Variants in SUGCT observed in about 807,000 individuals in gnomAD.
SUGCT encodes succinyl-CoA:glutarate-CoA transferase.
In SUGCT, 41 loss-of-function variants were observed where a neutral mutation model predicts 55.0. That is an observed-to-expected ratio of 0.74 (90% CI 0.58 to 0.97). SUGCT has a LOEUF of 0.97. Ranked by LOEUF, SUGCT falls within the 50% of genes least tolerant of loss-of-function variation. The pLI is 0.00. For synonymous variants in SUGCT, 187 were observed against 200.4 expected (o/e 0.93, Z 0.56); for missense variants, 568 against 547.8 (o/e 1.04, Z -0.37).
intron 12 of SUGCT, among the ~76,000 whole-genome samples, chr7:40,641,286 A>C (rs1800257973): frequency 6.6e-6 from 1 of 152,188 alleles, no homozygotes; most frequent in Admixed American, 6.5e-5. Flanking sequence ...ATAAAGCAAA[A>C]GACTAAAAAT....
rs1044597295 is a variant in SUGCT, at chr7:40,667,662, T to C, written c.1090-81772T>C. Among the ~76,000 whole-genome samples the C allele has an allele frequency of 2.0e-5, 3 of 152,032 alleles. No homozygotes were observed. The South Asian group carries it at 6.2e-4, about 32-fold the overall frequency. ...TCTGTTTAGGGTTTCAGTTTCTTCC[T>C]GGTTCAATCTTGGGAGACTGTGTAT... On this transcript the variant is annotated intron_variant, in intron 12 of 13. Coordinates refer to ENST00000335693, the MANE Select transcript of SUGCT (RefSeq NM_001193313.2).
chr7:41,015,323 G>A, the SUGCT span, among the ~76,000 whole-genome samples: 1 of 152,202 alleles, frequency 6.6e-6, no homozygotes, highest in Non-Finnish European at 1.5e-5. Context: ...TTGTACACAT[G>A]TTAACTTTAA....
intron 9 of SUGCT, among the ~76,000 whole-genome samples, chr7:40,354,806 C>T (rs758573226): frequency 1.3e-4 from 20 of 152,184 alleles, no homozygotes; most frequent in Non-Finnish European, 2.8e-4. Context: ...GGAGATGAGG[C>T]TGGATACATA....
intron 6 of SUGCT, among the ~76,000 whole-genome samples, chr7:40,210,703 G>T (rs1276340529): frequency 2.0e-5 from 3 of 152,100 alleles, no homozygotes; most frequent in African/African-American, 7.2e-5. Context: ...CTGCTACTGT[G>T]TCGTTCCCCT....
intron 10 of SUGCT, among the ~76,000 whole-genome samples, chr7:40,456,550 TAATA>T (rs967733328): frequency 6.6e-6 from 1 of 151,922 alleles, no homozygotes; most frequent in Non-Finnish European, 1.5e-5. Flanking sequence ...GTAATAAACA[TAATA>T]AATATGTTAG....
intron 12 of SUGCT, among the ~76,000 whole-genome samples, chr7:40,715,540 T>C (rs895094535): frequency 6.6e-6 from 1 of 152,100 alleles, no homozygotes; most frequent in South Asian, 2.1e-4. Context: ...GAGCTTACCT[T>C]TGCCCCCCCT....
intron 12 of SUGCT, among the ~76,000 whole-genome samples, chr7:40,720,960 T>G (rs1786296412): frequency 6.6e-6 from 1 of 152,240 alleles, no homozygotes; most frequent in African/African-American, 2.4e-5. Flanking sequence ...TTTATGAAAC[T>G]TATCTTCCAA....
intron 9 of SUGCT, among the ~76,000 whole-genome samples, chr7:40,415,070 A>ATCTATCTG (rs764691307): frequency 4.0e-4 from 49 of 121,494 alleles, no homozygotes; most frequent in Non-Finnish European, 6.6e-4. Context: ...AAATCTATCT[A>ATCTATCTG]TCTATCTATC....
chr7:40,544,011 G>C (rs2151625547), intron 12 of SUGCT, among the ~76,000 whole-genome samples: 1 of 152,202 alleles, frequency 6.6e-6, no homozygotes, highest in African/African-American at 2.4e-5. Flanking sequence ...TACTTGGTAA[G>C]GAGGCACTCT....
chr7:40,619,179 C>T (rs768747953), intron 12 of SUGCT, among the ~76,000 whole-genome samples: 18 of 152,212 alleles, frequency 1.2e-4, no homozygotes, highest in Non-Finnish European at 2.4e-4. Context: ...TCTGTAAGAA[C>T]CCATTACATC....
chr7:40,296,612 CGTGTGTGTGTGTGTGT>C (rs10528858), intron 8 of SUGCT, among the ~76,000 whole-genome samples: 3,549 of 144,812 alleles, frequency 0.025, 68 homozygotes, highest in South Asian at 0.054. Context: ...GTGAGTGACT[CGTGTGTGTGTGTGTGT>C]GTGTGTGTGT....
chr7:40,495,067 T>C (rs767671014), intron 11 of SUGCT, among the ~76,000 whole-genome samples: 3 of 151,908 alleles, frequency 2.0e-5, no homozygotes, highest in Non-Finnish European at 2.9e-5. Flanking sequence ...CCCGCCACCA[T>C]GCCTGGCTAA....
chr7:40,417,200 G>A (rs1490743748), intron 9 of SUGCT, among the ~76,000 whole-genome samples: 1 of 151,768 alleles, frequency 6.6e-6, no homozygotes, highest in Non-Finnish European at 1.5e-5. Flanking sequence ...TGAATTCTTA[G>A]ATCATACATT....
At chr7:40,302,310 T>A (rs1794585736) in intron 8 of SUGCT, among the ~76,000 whole-genome samples, 1 of 152,200 alleles carries the variant, frequency 6.6e-6, no homozygotes, top group Non-Finnish European at 1.5e-5. Flanking sequence ...TCCAGTGGTC[T>A]GCCCTTGTCC....
At position 40,377,899 on chromosome 7, in the gene SUGCT, A is replaced by T. The variant is rs575093608; in HGVS notation, c.816+61044A>T. ...TGTGTTTTCTGTTTCAGCACTTTAGATATAATATGCCATTCTACTGTCTTC... is the reference window on the plus strand; with the variant it reads ...TGTGTTTTCTGTTTCAGCACTTTAGTTATAATATGCCATTCTACTGTCTTC... On this transcript the variant is annotated intron_variant, in intron 9 of 13. Transcript: ENST00000335693. 1.9e-3 allele frequency among the ~76,000 whole-genome samples: 294 copies of T among 152,280 alleles called. 1 individual carries two copies. The highest frequency in any genetic ancestry group is 6.8e-3 in the African/African-American group (281 of 41,550).
intron 13 of SUGCT, among the ~76,000 whole-genome samples, chr7:40,810,295 G>T (rs979325570): frequency 1.1e-4 from 17 of 152,066 alleles, no homozygotes; most frequent in Admixed American, 1.3e-4. Context: ...TAATGGGATT[G>T]CTAGGTCAAA....
chr7:40,439,064 G>GTGTGTGTATATATA (rs1283539157), intron 9 of SUGCT, among the ~76,000 whole-genome samples: 3 of 27,194 alleles, frequency 1.1e-4, no homozygotes, highest in Admixed American at 4.4e-4. Context: ...TATATATGGT[G>GTGTGTGTATATATA]TATATATATA....
At chr7:40,851,491 G>A (rs1563048467) in intron 13 of SUGCT, among the ~76,000 whole-genome samples, 1 of 152,104 alleles carries the variant, frequency 6.6e-6, no homozygotes, top group Non-Finnish European at 1.5e-5. Flanking sequence ...TCTGCATTTT[G>A]TCTACTGCCA....
At position 40,249,313 on chromosome 7, in the gene SUGCT, C is replaced by CTATATATATATATATATATATATA. The variant is rs57348487; in HGVS notation, c.576+11598_576+11621dup. 4.5e-4 allele frequency among the ~76,000 whole-genome samples: 36 copies of CTATATATATATATATATATATATA among 79,488 alleles called. 1 individual carries two copies. The highest frequency in any genetic ancestry group is 1.3e-3 in the East Asian group (3 of 2,380). The allele number at this position is 79,488 out of a possible 152,430, so 52.1% of individuals were successfully genotyped here. A position where few individuals can be genotyped will look rare whatever the true frequency, so the allele number is the denominator to read the frequency against. On this transcript the variant is annotated intron_variant, in intron 7 of 13. Coordinates refer to ENST00000335693, the MANE Select transcript of SUGCT (RefSeq NM_001193313.2). ...TCTTAAAACAAAAAACACCAAAAAG[C>CTATATATATATATATATATATATA]TATATATATATATATATATATATAT...
Sources: gnomAD v4.1 joint callset for allele counts (sites outside exome capture counted in the v4.1 genomes callset) on GRCh38, gnomAD v4.1.1 for gene constraint, MANE v1.5 for transcripts, NCBI Gene and HGNC (gene_info 2026-07-23, HGNC 2026-07-21) for gene names.